The following CABIN1 variants were observed in gnomAD, a reference collection of about 807,000 sequenced individuals.
CABIN1 encodes the protein calcineurin-binding protein cabin-1.
Under a neutral mutation model 227.7 loss-of-function variants are expected in CABIN1, and 133 were observed. The ratio of observed to expected loss-of-function variants is 0.58; its 90% CI spans 0.51 to 0.67. The LOEUF (loss-of-function observed/expected upper bound fraction) is 0.67. CABIN1 is among the 30% of genes least tolerant of loss of function. CABIN1 has a pLI of 0.00. For synonymous variants in CABIN1, 1,086 were observed against 1,155.1 expected, an observed-to-expected ratio of 0.94 and a Z score of 1.21; for missense variants, 2,408 against 2,852.5, an observed-to-expected ratio of 0.84 and a Z score of 3.55.
chr22:24,025,409 G>C (rs1461097762), intron 1 of CABIN1, among the ~76,000 whole-genome samples: 1 of 152,100 alleles, frequency 6.6e-6, no homozygotes, highest in East Asian at 1.9e-4. Flanking sequence ...GCCTGAGAAG[G>C]CCAAAACCAA....
chr22:24,160,532 A>G (rs1238850655), intron 29 of CABIN1: 4 of 152,410 alleles, frequency 2.6e-5, no homozygotes, highest in Admixed American at 1.3e-4. Context: ...GGGGTTTACA[A>G]TGAGAATCAG....
rs754874264 is a variant in CABIN1 at position 24,171,784 on chromosome 22, G to A, written c.5829G>A (p.Val1943=). Residue 1943 remains valine (V), a synonymous_variant, in exon 34 of 37, where the codon GTG becomes GTA. Coordinates refer to ENST00000263119, the MANE Select transcript of CABIN1 (RefSeq NM_012295.4). ...DSRENFFPVT[V]VPTAPDPVPA... ...GAGAGAACTTCTTTCCTGTGACAGT[G>A]GTGCCCACAGCCCCTGACCCTGTGC... The A allele has an allele frequency of 6.2e-7, 1 of 1,614,178 alleles. No individual in the cohort carries two copies. Among genetic ancestry groups the A allele is most frequent in the Non-Finnish European group, 8.5e-7 (1 of 1,180,038 alleles).
rs746502240 is a variant in CABIN1, at chr22:24,072,441, A to G, written c.2563A>G (p.Ile855Val). The change falls in exon 18 of 37, where the codon ATC becomes GTC. Residue 855 changes from isoleucine (I) to valine (V), a missense_variant. By Grantham distance (29) the Ile-to-Val change is conservative (BLOSUM62 3). This residue lies in a region of CABIN1 where 1,045 missense variants were observed against 1,168.4 expected (regional missense o/e 0.89). Transcript: ENST00000263119. ...VLPWIILHRI[I>V]WQEEDTFHSL... Reference sequence around the variant, plus strand: ...ACCCTGGATCATTCTACACCGGATCATCTGGCAGGAGGAAGACACCTTCCA... The same window carrying G: ...ACCCTGGATCATTCTACACCGGATCGTCTGGCAGGAGGAAGACACCTTCCA... The G allele has an allele frequency of 4.3e-6, 7 of 1,614,062 alleles. No individual in the cohort carries two copies. The Admixed American group carries it at 1.0e-4, about 23-fold the overall frequency.
chr22:24,128,438 G>A (rs1040592500), intron 28 of CABIN1, among the ~76,000 whole-genome samples: 6 of 152,144 alleles, frequency 3.9e-5, no homozygotes, highest in Non-Finnish European at 7.3e-5. Flanking sequence ...TAGCTATGGG[G>A]ATATTCATGT....
rs769877856 is a variant in CABIN1, at chr22:24,177,631, A to G, written c.6333A>G (p.Pro2111=). The G allele has an allele frequency of 2.7e-5, 43 of 1,613,268 alleles. No homozygotes were observed. The South Asian group carries it at 3.8e-4, about 14-fold the overall frequency. Residue 2111 remains proline, a synonymous_variant, in exon 36 of 37, where the codon CCA becomes CCG. Coordinates refer to ENST00000263119, the MANE Select transcript of CABIN1 (RefSeq NM_012295.4). The surrounding 1 kb of genome is among the most constrained non-coding windows in gnomAD (Gnocchi z 4.4). ...CCCCCAGCAGTGGGAGTGCCCAGCC[A>G]CCAGAGGGTCACCCAGGCAAGCCTG... ...SKAPSSGSAQ[P]PEGHPGKPEP...
intron 34 of CABIN1, 48 bp from the exon 35 acceptor site, chr22:24,176,063 T>C (rs768578413): frequency 3.3e-5 from 52 of 1,583,290 alleles, no homozygotes; most frequent in Middle Eastern, 1.7e-4. Flanking sequence ...CGTTGGAGCC[T>C]GCGGGGTGGA....
chr22:24,161,923 G>A (rs1195191425), intron 29 of CABIN1: 1 of 152,290 alleles, frequency 6.6e-6, no homozygotes, highest in Non-Finnish European at 1.5e-5. Context: ...GAGCTTCATA[G>A]CCCTCCACAG....
Position 24,038,824 on chromosome 22 carries a change from C to T in CABIN1, c.210+363C>T, listed in dbSNP as rs893942890. Among the ~76,000 whole-genome samples the T allele has an allele frequency of 7.2e-5, 11 of 152,224 alleles. No homozygotes were observed. In the East Asian group the frequency reaches 1.7e-3, roughly 24 times the overall value. On this transcript the variant is annotated intron_variant, in intron 4 of 36. Transcript: ENST00000263119. ...AAGCCATCCAAGTAAGTGAAGCATT[C>T]GAACCAGGTTTGGAGTCCATGGTTT...
Position 24,141,576 on chromosome 22 carries a change from C to G in CABIN1, c.4746+7161C>G, listed in dbSNP as rs182292447. On this transcript the variant is annotated intron_variant, in intron 29 of 36. Transcript: ENST00000263119. Reference sequence around the variant, plus strand: ...TTTTGGCAGAGCCAGGCCAGATGCCCTCCCACCAGCCCTTGCCCCACCCCC... The same window carrying G: ...TTTTGGCAGAGCCAGGCCAGATGCCGTCCCACCAGCCCTTGCCCCACCCCC... 8.5e-5 allele frequency among the ~76,000 whole-genome samples: 13 copies of G among 152,370 alleles called. No homozygotes were observed. The East Asian group carries it at 2.1e-3, about 25-fold the overall frequency.
At chr22:24,015,198 A>G (rs928182688) in intron 1 of CABIN1, among the ~76,000 whole-genome samples, 22 of 140,132 alleles carry the variant, frequency 1.6e-4, no homozygotes, top group South Asian at 2.5e-4. Flanking sequence ...CCTGGGAGGC[A>G]GATGTTGCAG....
In CABIN1 at chr22:24,038,273, G is replaced by A. The variant is rs146567498; in HGVS notation, c.97-75G>A. 52 of 1,165,862 alleles carry A rather than the reference G, an allele frequency of 4.5e-5. No homozygotes were observed. In the East Asian group the frequency reaches 1.0e-3, roughly 23 times the overall value. The allele number at this position is 1,165,862 out of a possible 1,614,324, so 72.2% of individuals were successfully genotyped here. On this transcript the variant is annotated intron_variant, in intron 3 of 36. Transcript: ENST00000263119. ...GGTTGGTTCCTCTGACTGTAGCCCCGCCTTACACACATTTTTGGCTTAAAA... is the reference window on the plus strand; with the variant it reads ...GGTTGGTTCCTCTGACTGTAGCCCCACCTTACACACATTTTTGGCTTAAAA...
chr22:24,071,082 G>A, intron 17 of CABIN1, 40 bp downstream of exon 17: 1 of 1,613,966 alleles, frequency 6.2e-7, no homozygotes. Flanking sequence ...TGCCCCAGCA[G>A]GTATGTCTCT....
At position 24,063,215 on chromosome 22, in the gene CABIN1, A is replaced by T. The variant is rs538551221; in HGVS notation, c.1884+69A>T. On this transcript the variant is annotated intron_variant, in intron 14 of 36. Transcript: ENST00000263119. ...CAGCAGGGTGGGCAGAAAATTGACC[A>T]TGTTGAGGGTGTGTGTGTGTATGTG... 45 of 1,496,836 alleles carry T rather than the reference A, an allele frequency of 3.0e-5. No individual in the cohort carries two copies. In the South Asian group the frequency reaches 4.9e-4, roughly 16 times the overall value. 92.7% of individuals were successfully genotyped at this position (1,496,836 alleles called of 1,614,324 possible).
intron 32 of CABIN1, among the ~76,000 whole-genome samples, chr22:24,167,779 A>T (rs750699896): frequency 3.3e-5 from 5 of 152,172 alleles, no homozygotes; most frequent in Admixed American, 6.5e-5. Context: ...TTCAGATGGG[A>T]TGACCATCCC....
At chr22:24,076,673 G>A (rs1178786573) in intron 19 of CABIN1, among the ~76,000 whole-genome samples, 2 of 152,114 alleles carry the variant, frequency 1.3e-5, no homozygotes, top group Non-Finnish European at 2.9e-5. Context: ...TGTTTACTAA[G>A]CATTACTCAC....
chr22:24,014,999 C>T (rs1335691731), intron 1 of CABIN1, among the ~76,000 whole-genome samples: 1 of 152,030 alleles, frequency 6.6e-6, no homozygotes, highest in Non-Finnish European at 1.5e-5. Flanking sequence ...CGTGGTGGCT[C>T]ATGCCTGTAA....
chr22:24,077,851 G>A (rs1224240797), intron 19 of CABIN1, among the ~76,000 whole-genome samples: 2 of 152,192 alleles, frequency 1.3e-5, no homozygotes, highest in African/African-American at 2.4e-5. Flanking sequence ...GGGGCAACAG[G>A]ATGGTCCTAT....
At chr22:24,170,889 A>T (rs2046771742) in intron 33 of CABIN1, among the ~76,000 whole-genome samples, 1 of 151,156 alleles carries the variant, frequency 6.6e-6, no homozygotes, top group Non-Finnish European at 1.5e-5. Flanking sequence ...GGTGCTGGGG[A>T]GGGTTGAAGG....
At chr22:24,087,377 T>G in intron 22 of CABIN1, 75 bp from the exon 23 acceptor site, 14 of 1,588,318 alleles carry the variant, frequency 8.8e-6, no homozygotes, top group Non-Finnish European at 1.2e-5. Context: ...CATCTGCCTG[T>G]CCACTAGGCT....
Sources: gnomAD v4.1 joint callset for allele counts (sites outside exome capture counted in the v4.1 genomes callset) on GRCh38, gnomAD v4.1.1 for gene constraint, gnomAD v4.1.1 regional missense constraint, Gnocchi (gnomAD v3.1) non-coding constraint, MANE v1.5 for transcripts, NCBI Gene and HGNC (gene_info 2026-07-23, HGNC 2026-07-21) for gene names.